KCTD16: variants seen among roughly 807,000 people sequenced by gnomAD.
The protein encoded by KCTD16 is BTB/POZ domain-containing protein KCTD16.
Under a neutral mutation model 33.2 loss-of-function variants are expected in KCTD16, and 13 were observed. The ratio of observed to expected loss-of-function variants is 0.39; its 90% CI spans 0.25 to 0.62. The LOEUF is 0.62. KCTD16 is among the 20% of genes least tolerant of loss of function. The pLI is 0.50. For synonymous variants in KCTD16, 197 were observed against 195.3 expected, an observed-to-expected ratio of 1.01 and a Z score of -0.07; for missense variants, 441 against 525.1, an observed-to-expected ratio of 0.84 and a Z score of 1.57.
chr5:144,333,764 A>G (rs1039719616), intron 3 of KCTD16, among the ~76,000 whole-genome samples: 4 of 152,166 alleles, frequency 2.6e-5, no homozygotes, highest in Admixed American at 1.3e-4. Context: ...AGTGATTTTC[A>G]TGCCGCTGCT....
intron 3 of KCTD16, among the ~76,000 whole-genome samples, chr5:144,249,890 A>T (rs537085593): frequency 6.2e-4 from 95 of 152,284 alleles, no homozygotes; most frequent in African/African-American, 2.2e-3. Context: ...CTATGATATC[A>T]CAGGCACTGA....
In KCTD16 at chr5:144,475,902, T is replaced by G. The variant is rs1461576564; in HGVS notation, c.*1788T>G. 6.6e-6 allele frequency: 1 copy of G among 152,248 alleles called. No individual in the cohort carries two copies. 9.4% of individuals were successfully genotyped at this position (152,248 alleles called of 1,614,324 possible). On this transcript the variant is annotated 3_prime_UTR_variant, in exon 4 of 4. Transcript: ENST00000512467. The stretch of plus-strand genomic sequence containing the variant: ...ATGACAGACTCAGCTAATGTTTCCT[T>G]GTCCTGAAGGTTTGAATGGAGTTGA...
At chr5:144,367,196 C>T (rs928117077) in intron 3 of KCTD16, among the ~76,000 whole-genome samples, 12 of 152,160 alleles carry the variant, frequency 7.9e-5, no homozygotes, top group Non-Finnish European at 1.6e-4. Flanking sequence ...AATTCCCTAC[C>T]TTGAATTTAG....
intron 3 of KCTD16, among the ~76,000 whole-genome samples, chr5:144,216,561 C>G (rs1182587404): frequency 1.3e-5 from 2 of 152,028 alleles, no homozygotes; most frequent in Non-Finnish European, 2.9e-5. Flanking sequence ...AAGAGACTGT[C>G]AGCCGGGCGC....
At chr5:144,384,402 AC>A (rs1305897712) in intron 3 of KCTD16, 2 of 152,216 alleles carry the variant, frequency 1.3e-5, no homozygotes, top group Non-Finnish European at 2.9e-5. Flanking sequence ...CAGACATCTG[AC>A]CAAAACGACA....
rs140891816 is a variant in KCTD16, at chr5:144,452,146, T to TTATA, written c.833-21498_833-21495dup. Reference sequence around the variant, plus strand: ...CAAAACACATTAAATATATATAATATTATATATATATATATATATTCCTGT... The same window carrying TTATA: ...CAAAACACATTAAATATATATAATATTATATATATATATATATATATATTCCTGT... On this transcript the variant is annotated intron_variant, in intron 3 of 3. Coordinates refer to ENST00000512467, the MANE Select transcript of KCTD16 (RefSeq NM_020768.4). Among the ~76,000 whole-genome samples the TTATA allele has an allele frequency of 1.9e-3, 265 of 138,172 alleles. 7 individuals are homozygous for TTATA. The highest frequency in any genetic ancestry group is 0.011 in the Middle Eastern group (3 of 274). 90.6% of individuals were successfully genotyped at this position (138,172 alleles called of 152,430 possible). A position where few individuals can be genotyped will look rare whatever the true frequency, so the allele number is the denominator to read the frequency against.
chr5:144,299,858 A>G (rs1751379372), intron 3 of KCTD16, among the ~76,000 whole-genome samples: 1 of 150,980 alleles, frequency 6.6e-6, no homozygotes, highest in South Asian at 2.1e-4. Flanking sequence ...GGACCAAAGC[A>G]TTCACATATC....
intron 3 of KCTD16, chr5:144,384,205 G>A (rs758385918): frequency 1.3e-5 from 2 of 152,114 alleles, no homozygotes; most frequent in Non-Finnish European, 2.9e-5. Flanking sequence ...GCATTTCTAC[G>A]TGTATCCAAA....
intron 3 of KCTD16, among the ~76,000 whole-genome samples, chr5:144,358,731 G>A (rs917164204): frequency 1.1e-4 from 17 of 152,308 alleles, no homozygotes; most frequent in African/African-American, 4.1e-4. Context: ...CAGCAGATTT[G>A]ATGTTTGGTG....
chr5:144,359,873 A>C (rs1751665172), intron 3 of KCTD16, among the ~76,000 whole-genome samples: 1 of 151,964 alleles, frequency 6.6e-6, no homozygotes, highest in Non-Finnish European at 1.5e-5. Context: ...ACTTGTGCAA[A>C]GCCTTGTGTA....
chr5:144,478,135 T>C lies in KCTD16; in HGVS notation c.*4021T>C, dbSNP rs1274347074. ...GTTTCAATTTATTTATTTTCTTTTA[T>C]ATTGTCAAAATAGCACACTAGAGAA... On this transcript the variant is annotated 3_prime_UTR_variant, in exon 4 of 4. Coordinates refer to ENST00000512467, the MANE Select transcript of KCTD16 (RefSeq NM_020768.4). 1 of 152,090 alleles carries C rather than the reference T, an allele frequency of 6.6e-6. No individual in the cohort carries two copies. Among genetic ancestry groups the C allele is most frequent in the Non-Finnish European group, 1.5e-5 (1 of 67,972 alleles). 9.4% of individuals were successfully genotyped at this position (152,090 alleles called of 1,614,324 possible).
chr5:144,295,661 C>G (rs1468348221), intron 3 of KCTD16, among the ~76,000 whole-genome samples: 2 of 152,142 alleles, frequency 1.3e-5, no homozygotes, highest in African/African-American at 2.4e-5. Context: ...GAATATATTA[C>G]CTTACATGGC....
At chr5:144,389,935 A>G (rs1463603971) in intron 3 of KCTD16, among the ~76,000 whole-genome samples, 1 of 152,218 alleles carries the variant, frequency 6.6e-6, no homozygotes, top group Admixed American at 6.5e-5. Flanking sequence ...TGATTATCAC[A>G]GGAGCGATGA....
chr5:144,455,073 CA>C (rs975129240), intron 3 of KCTD16, among the ~76,000 whole-genome samples: 41 of 151,996 alleles, frequency 2.7e-4, no homozygotes, highest in Admixed American at 1.8e-3. Context: ...GAGAAAGCCC[CA>C]GGGGGTCACA....
chr5:144,262,080 C>A (rs183071946), intron 3 of KCTD16, among the ~76,000 whole-genome samples: 1 of 152,080 alleles, frequency 6.6e-6, no homozygotes, highest in African/African-American at 2.4e-5. Context: ...AAATAGATAC[C>A]TAGTGGTCAA....
At chr5:144,334,602 C>G (rs948877889) in intron 3 of KCTD16, among the ~76,000 whole-genome samples, 1 of 152,088 alleles carries the variant, frequency 6.6e-6, no homozygotes, top group African/African-American at 2.4e-5. Flanking sequence ...ACTTTGTCTC[C>G]ACGATTTAAA....
At chr5:144,451,672 A>C (rs1236978228) in intron 3 of KCTD16, among the ~76,000 whole-genome samples, 1 of 152,104 alleles carries the variant, frequency 6.6e-6, no homozygotes, top group South Asian at 2.1e-4. Context: ...TTTCATGACC[A>C]CCTCTGAGAT....
In KCTD16 at chr5:144,364,923, T is replaced by C. The variant is rs148474549; in HGVS notation, c.833-108737T>C. Among the ~76,000 whole-genome samples the C allele has an allele frequency of 1.2e-3, 190 of 152,302 alleles. 1 individual carries two copies. Among genetic ancestry groups the C allele is most frequent in the African/African-American group, 4.3e-3 (178 of 41,564 alleles). On this transcript the variant is annotated intron_variant, in intron 3 of 3. Coordinates refer to ENST00000512467, the MANE Select transcript of KCTD16 (RefSeq NM_020768.4). ...CAATCTGGGTAGTAGGTTGATTTCA[T>C]AGAACCTAAATGAATCCTACTTATG...
Position 144,476,765 on chromosome 5 carries a change from G to A in KCTD16, c.*2651G>A, listed in dbSNP as rs1261114886. 1 of 152,146 alleles carries A rather than the reference G, an allele frequency of 6.6e-6. No individual in the cohort carries two copies. The highest frequency in any genetic ancestry group is 1.5e-5 in the Non-Finnish European group (1 of 68,026). The allele number at this position is 152,146 out of a possible 1,614,324, so 9.4% of individuals were successfully genotyped here. A position where few individuals can be genotyped will look rare whatever the true frequency, so the allele number is the denominator to read the frequency against. ...CCAGGTAGCCTGCAACACTGGAAATGAGTTCTGGGTAAGTGAGTTATAAGA... is the reference window on the plus strand; with the variant it reads ...CCAGGTAGCCTGCAACACTGGAAATAAGTTCTGGGTAAGTGAGTTATAAGA... On this transcript the variant is annotated 3_prime_UTR_variant, in exon 4 of 4. Coordinates refer to ENST00000512467, the MANE Select transcript of KCTD16 (RefSeq NM_020768.4).
Sources: gnomAD v4.1 joint callset for allele counts (sites outside exome capture counted in the v4.1 genomes callset) on GRCh38, gnomAD v4.1.1 for gene constraint, MANE v1.5 for transcripts, NCBI Gene and HGNC (gene_info 2026-07-23, HGNC 2026-07-21) for gene names.